EXOC6B: variants seen among roughly 807,000 people sequenced by gnomAD.
EXOC6B encodes the protein exocyst complex component 6B, also known as SEC15 homolog B.
A neutral mutation model predicts 113.5 loss-of-function variants in EXOC6B; 54 were observed. The observed-to-expected ratio is 0.48, with a 90% CI of 0.38 to 0.60. The LOEUF is 0.60. Ranked by LOEUF, EXOC6B falls within the 20% of genes least tolerant of loss-of-function variation. The pLI is 0.00. For synonymous variants in EXOC6B, 357 were observed against 339.0 expected (o/e 1.05, Z -0.58); for missense variants, 797 against 977.5 (o/e 0.82, Z 2.46).
At chr2:72,464,107 T>C (rs1173066811) in intron 18 of EXOC6B, 2 of 152,148 alleles carry the variant, frequency 1.3e-5, no homozygotes, top group African/African-American at 2.4e-5. Context: ...ATTCAACATA[T>C]GATTTTTTGG....
chr2:72,339,566 T>C (rs1431190753), intron 19 of EXOC6B, among the ~76,000 whole-genome samples: 2 of 152,106 alleles, frequency 1.3e-5, no homozygotes, highest in Non-Finnish European at 2.9e-5. Flanking sequence ...GGAGAGCCTC[T>C]GACAGGTACC....
chr2:72,729,306 T>C (rs1196636534), intron 5 of EXOC6B, among the ~76,000 whole-genome samples: 1 of 151,470 alleles, frequency 6.6e-6, no homozygotes, highest in African/African-American at 2.4e-5. Flanking sequence ...TCTGTCCATA[T>C]ATATGTTTTA....
intron 18 of EXOC6B, among the ~76,000 whole-genome samples, chr2:72,431,040 G>T (rs1695488699): frequency 6.6e-6 from 1 of 152,164 alleles, no homozygotes. Context: ...AAGCTACCTT[G>T]TTGGGGGTTG....
At chr2:72,713,776 G>C (rs565334478) in intron 6 of EXOC6B, among the ~76,000 whole-genome samples, 30 of 152,156 alleles carry the variant, frequency 2.0e-4, no homozygotes, top group Non-Finnish European at 3.7e-4. Context: ...ATGATGAAAA[G>C]ATAAGATTGT....
At chr2:72,383,038 C>T (rs1691784632) in intron 18 of EXOC6B, among the ~76,000 whole-genome samples, 2 of 152,130 alleles carry the variant, frequency 1.3e-5, no homozygotes, top group Non-Finnish European at 1.5e-5. Context: ...TCTATAAAAA[C>T]TTTGGAAGAT....
intron 16 of EXOC6B, among the ~76,000 whole-genome samples, chr2:72,485,142 A>G (rs1391579997): frequency 1.3e-5 from 2 of 152,194 alleles, no homozygotes; most frequent in Non-Finnish European, 2.9e-5. Context: ...AGCCTGCTCA[A>G]AACACCCCAG....
At chr2:72,410,478 C>T (rs1270934721) in intron 18 of EXOC6B, among the ~76,000 whole-genome samples, 1 of 152,176 alleles carries the variant, frequency 6.6e-6, no homozygotes, top group East Asian at 1.9e-4. Context: ...AGCAACATTG[C>T]TGCCACAAGC....
At chr2:72,490,225 A>G (rs1419771960) in intron 16 of EXOC6B, among the ~76,000 whole-genome samples, 4 of 152,082 alleles carry the variant, frequency 2.6e-5, no homozygotes, top group East Asian at 3.9e-4. Flanking sequence ...AGGTTTGGGG[A>G]AAAAAACCTA....
At chr2:72,703,178 G>A (rs1230229015) in intron 6 of EXOC6B, among the ~76,000 whole-genome samples, 1 of 145,264 alleles carries the variant, frequency 6.9e-6, no homozygotes, top group Non-Finnish European at 1.5e-5. Flanking sequence ...ATTAAATAGG[G>A]AATCCTTTCC....
chr2:72,293,400 G>C (rs1334095902), intron 20 of EXOC6B, among the ~76,000 whole-genome samples: 1 of 152,168 alleles, frequency 6.6e-6, no homozygotes, highest in Non-Finnish European at 1.5e-5. Flanking sequence ...GGGGGTAACA[G>C]CTTTTCCATT....
At chr2:72,663,888 T>TA (rs1022080219) in intron 6 of EXOC6B, among the ~76,000 whole-genome samples, 1 of 151,986 alleles carries the variant, frequency 6.6e-6, no homozygotes, top group African/African-American at 2.4e-5. Context: ...TCATCAATTA[T>TA]AAAAAAAAGT....
chr2:72,474,756 A>G (rs1402367010), intron 17 of EXOC6B, among the ~76,000 whole-genome samples: 1 of 152,074 alleles, frequency 6.6e-6, no homozygotes, highest in Non-Finnish European at 1.5e-5. Context: ...CTGAGATTTC[A>G]TTAATTTCTC....
intron 18 of EXOC6B, among the ~76,000 whole-genome samples, chr2:72,402,238 G>A (rs1294592503): frequency 6.6e-6 from 1 of 152,046 alleles, no homozygotes; most frequent in Non-Finnish European, 1.5e-5. Context: ...TAACGTGCAT[G>A]TTTCTAGGAA....
At position 72,297,274 on chromosome 2, in the gene EXOC6B, T is replaced by C. The variant is rs80116499; in HGVS notation, c.2196+37673A>G. 1.9e-3 allele frequency among the ~76,000 whole-genome samples: 287 copies of C among 152,294 alleles called. 1 individual carries two copies. Among genetic ancestry groups the C allele is most frequent in the African/African-American group, 6.2e-3 (256 of 41,566 alleles). ...TAGGTAAACTTGTGTCACAGGAGTT[T>C]GCAGTATGGATTATTTTGTCACTCA... is the stretch of plus-strand genomic sequence containing the variant. On this transcript the variant is annotated intron_variant, in intron 20 of 21. Coordinates refer to ENST00000272427, the MANE Select transcript of EXOC6B (RefSeq NM_015189.3).
chr2:72,341,893 C>T (rs945263305), intron 19 of EXOC6B, among the ~76,000 whole-genome samples: 1 of 151,984 alleles, frequency 6.6e-6, no homozygotes, highest in Admixed American at 6.6e-5. Context: ...ATCTTAAGTA[C>T]CTTTTCTGAG....
At chr2:72,673,918 C>T (rs1330425623) in intron 6 of EXOC6B, among the ~76,000 whole-genome samples, 1 of 151,966 alleles carries the variant, frequency 6.6e-6, no homozygotes, top group Non-Finnish European at 1.5e-5. Context: ...AATTAGACAG[C>T]AAGACCCATA....
chr2:72,533,390 G>A (rs2105762962), intron 8 of EXOC6B, among the ~76,000 whole-genome samples: 1 of 152,324 alleles, frequency 6.6e-6, no homozygotes, highest in East Asian at 1.9e-4. Context: ...ATGAACTTTA[G>A]AGAACTGTCT....
intron 11 of EXOC6B, among the ~76,000 whole-genome samples, chr2:72,506,955 C>A (rs999777426): frequency 6.6e-6 from 1 of 152,032 alleles, no homozygotes; most frequent in Non-Finnish European, 1.5e-5. Context: ...CTCCTTTATA[C>A]TAGGCATATT....
rs374680360 is a variant in EXOC6B, at chr2:72,516,044, T to C, written c.916-918A>G. Among the ~76,000 whole-genome samples the C allele has an allele frequency of 5.1e-4, 78 of 152,216 alleles. 3 individuals carry two copies. The South Asian group carries it at 0.016, about 31-fold the overall frequency. ...GGCACTAGAAAAACACAACAAAAGA[T>C]TCTACCCAGTCTCAGAGAGAAAATG... On this transcript the variant is annotated intron_variant, in intron 8 of 21. Transcript: ENST00000272427.
Sources: gnomAD v4.1 joint callset for allele counts (sites outside exome capture counted in the v4.1 genomes callset) on GRCh38, gnomAD v4.1.1 for gene constraint, MANE v1.5 for transcripts, NCBI Gene and HGNC (gene_info 2026-07-23, HGNC 2026-07-21) for gene names.